SMG6: variants seen among roughly 807,000 people sequenced by gnomAD.
SMG6 encodes the protein telomerase-binding protein EST1A.
SMG6 carries 66 observed loss-of-function variants against 142.2 expected under a neutral mutation model. The observed-to-expected ratio is 0.46, with a 90% CI of 0.38 to 0.57. The LOEUF is 0.57. Among genes scored for constraint, SMG6 ranks in the 20% least tolerant of loss-of-function variants. The pLI is 0.00. For missense variants in SMG6, 1,793 were observed against 1,832.0 expected, an observed-to-expected ratio of 0.98 and a Z score of 0.39; for synonymous variants, 779 against 702.4, an observed-to-expected ratio of 1.11 and a Z score of -1.72.
At chr17:2,189,258 C>T (rs993625305) in intron 10 of SMG6, among the ~76,000 whole-genome samples, 1 of 152,196 alleles carries the variant, frequency 6.6e-6, no homozygotes, top group Non-Finnish European at 1.5e-5. Context: ...TTCCTTCTGG[C>T]TCCAGGTCAC....
At chr17:2,253,887 G>A (rs1015082704) in intron 8 of SMG6, among the ~76,000 whole-genome samples, 1 of 152,168 alleles carries the variant, frequency 6.6e-6, no homozygotes, top group Non-Finnish European at 1.5e-5. Flanking sequence ...CACCTGCAGG[G>A]TAGAAACAGA....
chr17:2,221,483 T>C (rs1257082382), intron 10 of SMG6, among the ~76,000 whole-genome samples: 4 of 152,238 alleles, frequency 2.6e-5, no homozygotes, highest in Non-Finnish European at 5.9e-5. Context: ...CCAATTAAAC[T>C]TCTTTTCTTT....
intron 18 of SMG6, among the ~76,000 whole-genome samples, chr17:2,063,642 A>T (rs1241885256): frequency 6.6e-6 from 1 of 152,240 alleles, no homozygotes; most frequent in Non-Finnish European, 1.5e-5. Context: ...CCTTTCTCTC[A>T]GGAGGTACCC....
At chr17:2,220,745 T>G (rs1053755097) in intron 10 of SMG6, among the ~76,000 whole-genome samples, 3 of 152,232 alleles carry the variant, frequency 2.0e-5, no homozygotes, top group Non-Finnish European at 2.9e-5. Context: ...TACAAAGAAT[T>G]TTATAGCTTT....
rs2151561007 is a variant in SMG6, at chr17:2,136,345, T to C, written c.3357+36313A>G. On this transcript the variant is annotated intron_variant, in intron 13 of 18. Transcript: ENST00000263073. ...GGCATGAGTCACTGCGCCTGGCCAA[T>C]TAATTTAAGTAGACAAATGTGGCTA... Among the ~76,000 whole-genome samples, 2 of 152,304 alleles carry C rather than the reference T, an allele frequency of 1.3e-5. 1 individual carries two copies. Among genetic ancestry groups the C allele is most frequent in the South Asian group, 4.1e-4 (2 of 4,830 alleles).
At chr17:2,062,783 C>G (rs1359511377) in intron 18 of SMG6, 3 of 152,416 alleles carry the variant, frequency 2.0e-5, no homozygotes, top group African/African-American at 7.2e-5. Context: ...CCATGTCGGA[C>G]CTGAGCAGTC....
intron 8 of SMG6, among the ~76,000 whole-genome samples, chr17:2,255,002 T>C (rs149984067): frequency 6.6e-6 from 1 of 152,180 alleles, no homozygotes; most frequent in East Asian, 1.9e-4. Flanking sequence ...GAACAACATA[T>C]ATGATGTTCT....
chr17:2,102,319 A>C (rs1045919736), intron 13 of SMG6, among the ~76,000 whole-genome samples: 4 of 152,096 alleles, frequency 2.6e-5, no homozygotes, highest in Non-Finnish European at 5.9e-5. Context: ...AATACTTATC[A>C]TTTTATTGTG....
intron 8 of SMG6, chr17:2,266,035 C>G: frequency 1.0e-6 from 1 of 985,404 alleles, no homozygotes; most frequent in Non-Finnish European, 1.2e-6. Flanking sequence ...TTTTCAAACA[C>G]TTTACCAGGA....
chr17:2,108,342 C>T (rs536369881), intron 13 of SMG6, among the ~76,000 whole-genome samples: 7 of 152,162 alleles, frequency 4.6e-5, no homozygotes, highest in Non-Finnish European at 7.3e-5. Flanking sequence ...TCTTGCCAGG[C>T]GCAGTGACTC....
chr17:2,293,084 G>A, intron 4 of SMG6, 107 bp from the exon 5 acceptor site: 1 of 779,586 alleles, frequency 1.3e-6, no homozygotes, highest in Non-Finnish European at 2.2e-6. Context: ...TAAGGCACTA[G>A]CGGTCCTCAA....
intron 13 of SMG6, among the ~76,000 whole-genome samples, chr17:2,161,496 AG>A (rs1392862149): frequency 6.6e-6 from 1 of 151,168 alleles, no homozygotes. Context: ...ACTAATCTTC[AG>A]GTTTTCATAT....
At position 2,297,363 on chromosome 17, in the gene SMG6, G is replaced by A. The variant is rs1319437575; in HGVS notation, c.2041-10C>T. The A allele has an allele frequency of 7.6e-6, 12 of 1,579,552 alleles. No homozygotes were observed. Among genetic ancestry groups the A allele is most frequent in the Admixed American group, 5.6e-5 (3 of 53,648 alleles). ...CAAAGAAGTCACTACCCTATAAAAAGAAAAAAAGAAATGACTGAATCAATC... is the reference window on the plus strand; with the variant it reads ...CAAAGAAGTCACTACCCTATAAAAAAAAAAAAAGAAATGACTGAATCAATC... On this transcript the variant is annotated splice_polypyrimidine_tract_variant and intron_variant, in intron 3 of 18. Coordinates refer to ENST00000263073, the MANE Select transcript of SMG6 (RefSeq NM_017575.5).
At position 2,258,038 on chromosome 17, in the gene SMG6, TACAC is replaced by T. The variant is rs869173398; in HGVS notation, c.2662-13323_2662-13320del. Among the ~76,000 whole-genome samples, 198 of 89,286 alleles carry T rather than the reference TACAC, an allele frequency of 2.2e-3. 3 individuals carry two copies. Among genetic ancestry groups the T allele is most frequent in the African/African-American group, 8.6e-3 (187 of 21,620 alleles). 58.6% of individuals were successfully genotyped at this position (89,286 alleles called of 152,430 possible). On this transcript the variant is annotated intron_variant, in intron 8 of 18. Transcript: ENST00000263073. ...AAAAAAAAAAAAAAAAAAAAAAATA[TACAC>T]ACACACACACACACACACACACACA...
chr17:2,089,284 T>G lies in SMG6; in HGVS notation c.3358-3383A>C, dbSNP rs1254602286. The stretch of plus-strand genomic sequence containing the variant: ...GGAGAAAGAGCTGGGCGGGAGAGGC[T>G]CCCTTCCTGGGCTACATTAGCACGT... On this transcript the variant is annotated intron_variant, in intron 13 of 18. Coordinates refer to ENST00000263073, the MANE Select transcript of SMG6 (RefSeq NM_017575.5). Among the ~76,000 whole-genome samples, 5 of 151,980 alleles carry G rather than the reference T, an allele frequency of 3.3e-5. No homozygotes were observed. The South Asian group carries it at 1.0e-3, about 32-fold the overall frequency.
In SMG6 at chr17:2,297,963, G is replaced by C. The variant is rs2075180772; in HGVS notation, c.1940C>G (p.Ala647Gly). The C allele has an allele frequency of 6.2e-7, 1 of 1,613,238 alleles. No individual in the cohort carries two copies. Among genetic ancestry groups the C allele is most frequent in the Non-Finnish European group, 8.5e-7 (1 of 1,180,006 alleles). The change falls in exon 3 of 19, where the codon GCT becomes GGT. Residue 647 changes from alanine (A) to glycine (G), a missense_variant. Around this residue, in one of 3 missense-constraint regions of SMG6, gnomAD observed 1,597 missense variants for 1,584.6 expected, o/e 1.01. Transcript: ENST00000263073. ...GAACTTCTCAATCACCTGATAGAAAGCATTCTTCCACAGGATCTGATCCAC... is the reference window on the plus strand; with the variant it reads ...GAACTTCTCAATCACCTGATAGAAACCATTCTTCCACAGGATCTGATCCAC... Reference protein sequence around the residue: ...QNVDQILWKNAFYQVIEKFRQ... With the variant: ...QNVDQILWKNGFYQVIEKFRQ...
In SMG6 at chr17:2,236,531, T is replaced by C. The variant is rs770113915; in HGVS notation, c.2830A>G (p.Thr944Ala). 6.2e-7 allele frequency: 1 copy of C among 1,613,464 alleles called. No individual in the cohort carries two copies. Among genetic ancestry groups the C allele is most frequent in the South Asian group, 1.1e-5 (1 of 90,860 alleles). The part of the protein sequence containing the change: ...IGSTRMLQLM[T>A]INMFAVHNSQ... ...TTGTGTACTGCAAACATATTGATGG[T>C]CATAAGCTGCAGCATGCGGGTACTT... is the stretch of plus-strand genomic sequence containing the variant. Residue 944 changes from threonine to alanine, a missense_variant, in exon 10 of 19, where the codon ACC becomes GCC. This residue lies in a region of SMG6 where 1,597 missense variants were observed against 1,584.6 expected (regional missense o/e 1.01). Transcript: ENST00000263073.
chr17:2,301,216 T>G (rs2075271100), intron 1 of SMG6, among the ~76,000 whole-genome samples: 1 of 152,164 alleles, frequency 6.6e-6, no homozygotes, highest in Non-Finnish European at 1.5e-5. Context: ...AAATGCAACT[T>G]TAGTCTTTAA....
At chr17:2,270,062 C>G (rs1049081592) in intron 8 of SMG6, among the ~76,000 whole-genome samples, 1 of 152,070 alleles carries the variant, frequency 6.6e-6, no homozygotes, top group African/African-American at 2.4e-5. Flanking sequence ...AGCACTTGAA[C>G]TCAGGACTTT....
Sources: allele counts gnomAD v4.1 joint callset (sites outside exome capture counted in the v4.1 genomes callset), GRCh38; gene constraint gnomAD v4.1.1; regional missense constraint gnomAD v4.1.1; transcripts MANE v1.5; gene names NCBI Gene and HGNC (gene_info 2026-07-23, HGNC 2026-07-21).